MAP3K12: variants seen among roughly 807,000 people sequenced by gnomAD.
The protein encoded by MAP3K12 is MAPK-upstream kinase.
MAP3K12 carries 14 observed loss-of-function variants against 87.5 expected under a neutral mutation model. That is an observed-to-expected ratio of 0.16 (90% CI 0.11 to 0.25). MAP3K12 has a LOEUF of 0.25. MAP3K12 is among the 10% of genes least tolerant of loss of function. The pLI is 1.00. For synonymous variants in MAP3K12, 469 were observed against 452.5 expected (o/e 1.04, Z -0.46); for missense variants, 802 against 1,140.4 (o/e 0.70, Z 4.27).
Position 53,486,335 on chromosome 12 carries a change from C to A in MAP3K12, c.630-88G>T, listed in dbSNP as rs952551176. The A allele has an allele frequency of 3.2e-6, 5 of 1,557,128 alleles. No homozygotes were observed. The highest frequency in any genetic ancestry group is 1.4e-5 in the African/African-American group (1 of 73,846). On this transcript the variant is annotated intron_variant, in intron 3 of 13. Coordinates refer to ENST00000547488, the MANE Select transcript of MAP3K12 (RefSeq NM_001193511.2). The surrounding 1 kb of genome is among the most constrained non-coding windows in gnomAD (Gnocchi z 4.9). Reference sequence around the variant, plus strand: ...GAACCCCCATTCCCACCCATTCCACCTATGGATCTCCTCTGGGGAAGGATG... The same window carrying A: ...GAACCCCCATTCCCACCCATTCCACATATGGATCTCCTCTGGGGAAGGATG...
intron 1 of MAP3K12, among the ~76,000 whole-genome samples, chr12:53,491,075 C>T (rs1258152493): frequency 6.6e-6 from 1 of 151,388 alleles, no homozygotes; most frequent in Non-Finnish European, 1.5e-5. Flanking sequence ...ATTGCTTGAG[C>T]TCAGGAGTTC....
Position 53,484,278 on chromosome 12 carries a change from C to G in MAP3K12, c.1227G>C (p.Gln409His). 6.2e-7 allele frequency: 1 copy of G among 1,614,054 alleles called. No homozygotes were observed. Among genetic ancestry groups the G allele is most frequent in the Non-Finnish European group, 8.5e-7 (1 of 1,179,972 alleles). The stretch of plus-strand genomic sequence containing the variant: ...ACACCTGGGACTTAAAGTAAGTCTC[C>G]TGGGGTGTGGAGAGTACATCAGCTG... ...IASADVLSTP[Q>H]ETYFKSQAEW... The change falls in exon 7 of 14, where the codon CAG becomes CAC. Residue 409 changes from glutamine to histidine, a missense_variant. By Grantham distance (24) the Gln-to-His change is conservative. This residue lies in a region of MAP3K12 where 99 missense variants were observed against 193.4 expected (regional missense o/e 0.51). Transcript: ENST00000547488.
At position 53,480,005 on chromosome 12, in the gene MAP3K12, T is replaced by G. The variant is rs1481974824; in HGVS notation, c.*1177A>C. The G allele has an allele frequency of 6.6e-6, 1 of 152,222 alleles. No individual in the cohort carries two copies. Among genetic ancestry groups the G allele is most frequent in the Non-Finnish European group, 1.5e-5 (1 of 68,136 alleles). 9.4% of individuals were successfully genotyped at this position (152,222 alleles called of 1,614,324 possible). ...TCGATCCTATTTTTCCCTGACTCCA[T>G]GCTTGGTTGGCCCTTATAAAACTTG... On this transcript the variant is annotated 3_prime_UTR_variant, in exon 14 of 14. Transcript: ENST00000547488.
At chr12:53,501,351 T>G, upstream of MAP3K12, 1 of 1,540,480 alleles carries the variant, frequency 6.5e-7, no homozygotes, top group African/African-American at 1.4e-5. Context: ...TCGTCGGCTG[T>G]GTATTGGGGC....
In MAP3K12 at chr12:53,480,547, A is replaced by T. The variant is rs1942981726; in HGVS notation, c.*635T>A. 1 of 152,658 alleles carries T rather than the reference A, an allele frequency of 6.6e-6. No homozygotes were observed. The highest frequency in any genetic ancestry group is 1.5e-5 in the Non-Finnish European group (1 of 68,074). The allele number at this position is 152,658 out of a possible 1,614,324, so 9.5% of individuals were successfully genotyped here. The stretch of plus-strand genomic sequence containing the variant: ...TTTTTCACAGGGGTTACAGTAGGAC[A>T]GTCCCCACCCCAATCAGGCACCAGG... On this transcript the variant is annotated 3_prime_UTR_variant, in exon 14 of 14. Transcript: ENST00000547488.
rs1943243685 is a variant in MAP3K12, at chr12:53,486,954, C to T, written c.438G>A (p.Gln146=). 6.2e-7 allele frequency: 1 copy of T among 1,612,384 alleles called. No homozygotes were observed. Among genetic ancestry groups the T allele is most frequent in the Non-Finnish European group, 8.5e-7 (1 of 1,178,482 alleles). ...GKAYSTEHKQ[Q]QEDLWEVPFE... ...CACAAGGACGTGGCCTACCTTCCTG[C>T]TGCTGCTTGTGCTCAGTGGAGTAGG... is the stretch of plus-strand genomic sequence containing the variant. Residue 146 remains glutamine, a synonymous_variant, in exon 2 of 14, where the codon CAG becomes CAA. Coordinates refer to ENST00000547488, the MANE Select transcript of MAP3K12 (RefSeq NM_001193511.2). The surrounding 1 kb of genome is among the most constrained non-coding windows in gnomAD (Gnocchi z 4.9).
chr12:53,489,727 C>T (rs919483278), intron 1 of MAP3K12, among the ~76,000 whole-genome samples: 1 of 152,174 alleles, frequency 6.6e-6, no homozygotes, highest in Non-Finnish European at 1.5e-5. Context: ...CACAGGCACA[C>T]AAGGAGGCTT....
chr12:53,500,061 T>A (rs534097852), upstream of MAP3K12: 1 of 152,382 alleles, frequency 6.6e-6, no homozygotes, highest in East Asian at 1.9e-4. Flanking sequence ...CCCATCCTCC[T>A]CCAGTGTTCC....
chr12:53,481,424 ACTGCAACCTCTGCCTCC>A (rs1428989408), intron 13 of MAP3K12, 144 bp from the exon 14 acceptor site: 3 of 360,154 alleles, frequency 8.3e-6, no homozygotes, highest in Non-Finnish European at 1.5e-5. Context: ...ATCTCGGCTC[ACTGCAACCTCTGCCTCC>A]CAGGTTCAAG....
chr12:53,496,559 A>C (rs1337590067), intron 1 of MAP3K12, among the ~76,000 whole-genome samples: 2 of 152,240 alleles, frequency 1.3e-5, no homozygotes, highest in African/African-American at 4.8e-5. Context: ...ACCAGGAAGA[A>C]GTTCAGCGGA....
Position 53,479,784 on chromosome 12 carries a change from A to C in MAP3K12, c.*1398T>G. The C allele has an allele frequency of 5.6e-6, 1 of 179,454 alleles. No homozygotes were observed. Among genetic ancestry groups the C allele is most frequent in the Non-Finnish European group, 1.1e-5 (1 of 87,438 alleles). 11.1% of individuals were successfully genotyped at this position (179,454 alleles called of 1,614,324 possible). A position where few individuals can be genotyped will look rare whatever the true frequency, so the allele number is the denominator to read the frequency against. On this transcript the variant is annotated 3_prime_UTR_variant, in exon 14 of 14. Coordinates refer to ENST00000547488, the MANE Select transcript of MAP3K12 (RefSeq NM_001193511.2). The stretch of plus-strand genomic sequence containing the variant: ...TCAGGAATTTTTCAAAAAAATTAAA[A>C]GATGGACTGGAGCTTTTTCTTTGTG...
At chr12:53,499,024 T>A (rs1943613668) in intron 1 of MAP3K12, among the ~76,000 whole-genome samples, 1 of 144,618 alleles carries the variant, frequency 6.9e-6, no homozygotes, top group African/African-American at 2.6e-5. Flanking sequence ...GGTATATCAG[T>A]CCTTGCCCTT....
chr12:53,487,694 C>T, intron 1 of MAP3K12: 1 of 365,138 alleles, frequency 2.7e-6, no homozygotes, highest in Non-Finnish European at 5.0e-6. Flanking sequence ...TCTCAGGTAA[C>T]AGCCCCACGT....
intron 1 of MAP3K12, among the ~76,000 whole-genome samples, chr12:53,488,414 C>A (rs972680516): frequency 2.0e-5 from 3 of 152,208 alleles, no homozygotes; most frequent in African/African-American, 7.2e-5. Flanking sequence ...GTAATCTCAG[C>A]ACTTTCAGAG....
At chr12:53,493,494 G>A (rs1943472367) in intron 1 of MAP3K12, among the ~76,000 whole-genome samples, 1 of 152,120 alleles carries the variant, frequency 6.6e-6, no homozygotes, top group Admixed American at 6.5e-5. Flanking sequence ...AAGGCGAAAG[G>A]TACAGCTAGG....
intron 1 of MAP3K12, chr12:53,493,911 T>C (rs1943483789): frequency 6.6e-6 from 1 of 152,160 alleles, no homozygotes; most frequent in Non-Finnish European, 1.5e-5. Flanking sequence ...TTTACGGTAG[T>C]GGGGATAGCT....
rs773400555 is a variant in MAP3K12, at chr12:53,486,870, G to C, written c.445+77C>G. On this transcript the variant is annotated intron_variant, in intron 2 of 13. Transcript: ENST00000547488. This position sits in a 1 kb window ranked among gnomAD's most constrained non-coding sequence, Gnocchi z 4.9. ...CCATGGGGAGGGAAGGGACCATTGC[G>C]TGACTTTAGCGGAGCTGACCAACAG... The C allele has an allele frequency of 6.7e-5, 105 of 1,577,678 alleles. No homozygotes were observed. The highest frequency in any genetic ancestry group is 8.6e-5 in the Admixed American group (5 of 58,154).
rs1192338381 is a variant in MAP3K12, at chr12:53,481,981, C to G, written c.2540G>C (p.Ser847Thr). ...TTCCTGGTGTGGAATGGGCAGGGAG[C>G]TGGGTTCAGGGCCAGGGATGACCTC... is the stretch of plus-strand genomic sequence containing the variant. The part of the protein sequence containing the change: ...PSEVIPGPEP[S>T]SLPIPHQELL... Residue 847 changes from serine (S) to threonine (T), a missense_variant, in exon 13 of 14, where the codon AGC becomes ACC. By Grantham distance (58) the Ser-to-Thr change is moderately conservative (BLOSUM62 1). Around this residue, in one of 5 missense-constraint regions of MAP3K12, gnomAD observed 490 missense variants for 496.6 expected, o/e 0.99. Coordinates refer to ENST00000547488, the MANE Select transcript of MAP3K12 (RefSeq NM_001193511.2). 1.9e-6 allele frequency: 3 copies of G among 1,614,114 alleles called. No homozygotes were observed. The highest frequency in any genetic ancestry group is 2.5e-6 in the Non-Finnish European group (3 of 1,179,984).
In MAP3K12 at chr12:53,486,687, T is replaced by C; in HGVS notation, c.446-65A>G. On this transcript the variant is annotated intron_variant, in intron 2 of 13. Transcript: ENST00000547488. The surrounding 1 kb of genome is among the most constrained non-coding windows in gnomAD (Gnocchi z 4.9). ...GCCACACTCAAGGCCAGGGACAGGA[T>C]AGCATTGGGTTGGCTGAATTGACTT... The C allele has an allele frequency of 4.0e-6, 6 of 1,482,550 alleles. 1 individual carries two copies. The South Asian group carries it at 8.1e-5, about 20-fold the overall frequency. 91.8% of individuals were successfully genotyped at this position (1,482,550 alleles called of 1,614,324 possible).
Sources: gnomAD v4.1 joint callset for allele counts (sites outside exome capture counted in the v4.1 genomes callset) on GRCh38, gnomAD v4.1.1 for gene constraint, gnomAD v4.1.1 regional missense constraint, Gnocchi (gnomAD v3.1) non-coding constraint, MANE v1.5 for transcripts, NCBI Gene and HGNC (gene_info 2026-07-23, HGNC 2026-07-21) for gene names.